C1QTNF1: variants seen among roughly 807,000 people sequenced by gnomAD.
The protein encoded by C1QTNF1 is C1q and TNF related 1, also known as complement C1q tumor necrosis factor-related protein 1.
A neutral mutation model predicts 27.8 loss-of-function variants in C1QTNF1; 22 were observed. The observed-to-expected ratio is 0.79, with a 90% confidence interval of 0.56 to 1.13. C1QTNF1 has a LOEUF of 1.13. Among genes scored for constraint, C1QTNF1 ranks in the 50% most tolerant of loss-of-function variants. The probability of loss-of-function intolerance (pLI) is 0.00; values close to 1 mark genes in which losing one functional copy is unlikely to be tolerated. For synonymous variants in C1QTNF1, 166 were observed against 154.3 expected, an observed-to-expected ratio of 1.08 and a Z score of -0.56; for missense variants, 373 against 380.2, an observed-to-expected ratio of 0.98 and a Z score of 0.16.
intron 1 of C1QTNF1, chr17:79,034,645 C>T (rs1417119565): frequency 6.6e-6 from 1 of 152,288 alleles, no homozygotes; most frequent in Admixed American, 6.5e-5. Flanking sequence ...AGCCAGACCT[C>T]ATTCCCCTCC....
At chr17:79,030,204 T>C (rs1017547278) in intron 1 of C1QTNF1, among the ~76,000 whole-genome samples, 1 of 152,148 alleles carries the variant, frequency 6.6e-6, no homozygotes, top group Non-Finnish European at 1.5e-5. Context: ...ACGTGACTGT[T>C]ACAGGGGAAA....
Position 79,044,025 on chromosome 17 carries a change from C to A in C1QTNF1, c.57C>A (p.Ala19=). Residue 19 remains alanine (A), a synonymous_variant, in exon 2 of 4, where the codon GCC becomes GCA. Transcript: ENST00000579760. ...LLAYCLLLAF[A]SGLVLSRVPH... is the part of the protein sequence containing the mutation. ...CGTACTGCCTGCTCCTTGCCTTTGC[C>A]TCTGGCCTGGTCCTGAGTCGTGTGC... is the stretch of plus-strand genomic sequence containing the variant. The A allele has an allele frequency of 6.2e-7, 1 of 1,614,122 alleles. No individual in the cohort carries two copies. Among genetic ancestry groups the A allele is most frequent in the Non-Finnish European group, 8.5e-7 (1 of 1,179,958 alleles).
chr17:79,023,701 C>CGT (rs1237015480), upstream of C1QTNF1, among the ~76,000 whole-genome samples: 61 of 96,254 alleles, frequency 6.3e-4, no homozygotes, highest in African/African-American at 2.3e-3. Context: ...GATGCGCGCG[C>CGT]GCGCACACAC....
intron 1 of C1QTNF1, among the ~76,000 whole-genome samples, chr17:79,032,432 C>G (rs1322619604): frequency 2.0e-5 from 3 of 152,194 alleles, no homozygotes; most frequent in Non-Finnish European, 4.4e-5. Context: ...GGCTTACTCC[C>G]TCCTTTACTG....
chr17:79,049,566 CTTCCCCCCA>C lies in C1QTNF1; in HGVS notation c.*1480_*1488del, dbSNP rs1476859673. On this transcript the variant is annotated 3_prime_UTR_variant, in exon 4 of 4. Transcript: ENST00000579760. The surrounding 1 kb of genome is among the most constrained non-coding windows in gnomAD (Gnocchi z 4.4). ...CCCCAAACCCCCGCTGCCTCTCTTC[CTTCCCCCCA>C]TCCCCCACCTGGTTTTGACTAATCC... 1.3e-5 allele frequency: 2 copies of C among 152,466 alleles called. No individual in the cohort carries two copies. The highest frequency in any genetic ancestry group is 2.9e-5 in the Non-Finnish European group (2 of 68,280). 9.4% of individuals were successfully genotyped at this position (152,466 alleles called of 1,614,324 possible). A position where few individuals can be genotyped will look rare whatever the true frequency, so the allele number is the denominator to read the frequency against.
intron 1 of C1QTNF1, among the ~76,000 whole-genome samples, chr17:79,031,206 C>T (rs535022910): frequency 6.6e-6 from 1 of 150,996 alleles, no homozygotes; most frequent in East Asian, 2.0e-4. Context: ...GGGGTTTCAC[C>T]ATGTTAGCCA....
At chr17:79,033,000 G>A (rs1408427347) in intron 1 of C1QTNF1, among the ~76,000 whole-genome samples, 2 of 151,558 alleles carry the variant, frequency 1.3e-5, no homozygotes, top group Admixed American at 1.3e-4. Flanking sequence ...CCCAGGAGGC[G>A]GAGGTTGCAG....
chr17:79,040,423 C>A (rs1011931132), intron 1 of C1QTNF1, among the ~76,000 whole-genome samples: 1 of 151,570 alleles, frequency 6.6e-6, no homozygotes, highest in Non-Finnish European at 1.5e-5. Context: ...CAGAGTGAGA[C>A]CCTGTATCAA....
intron 2 of C1QTNF1, among the ~76,000 whole-genome samples, chr17:79,045,359 C>A (rs924541582): frequency 6.6e-6 from 1 of 152,054 alleles, no homozygotes; most frequent in Non-Finnish European, 1.5e-5. Context: ...TGGGGAGGGT[C>A]TCACCTGAAC....
rs1222111575 is a variant in C1QTNF1, at chr17:79,024,281, C to G, written c.-228C>G. On this transcript the variant is annotated 5_prime_UTR_variant, in exon 1 of 4. Transcript: ENST00000579760. ...GTCGCAGAGACCTCGGAGACCGCGC[C>G]GGGGAGACGGAGGTGCTGTGGGTGG... The G allele has an allele frequency of 6.6e-6, 1 of 152,252 alleles. No individual in the cohort carries two copies. The highest frequency in any genetic ancestry group is 1.9e-4 in the East Asian group (1 of 5,190). 9.4% of individuals were successfully genotyped at this position (152,252 alleles called of 1,614,324 possible).
At chr17:79,031,511 T>C (rs2072139344) in intron 1 of C1QTNF1, among the ~76,000 whole-genome samples, 1 of 152,010 alleles carries the variant, frequency 6.6e-6, no homozygotes, top group South Asian at 2.1e-4. Flanking sequence ...GCAGTGGTGC[T>C]ATTTCACCTC....
chr17:79,030,485 T>TTTTCTTTCTTTCTTTCTTTCTTTC lies in C1QTNF1; in HGVS notation c.-15+6014_-15+6037dup, dbSNP rs199746385. On this transcript the variant is annotated intron_variant, in intron 1 of 3. Transcript: ENST00000579760. ...TTTCTTTCTTTCTTTCTTTCTTTCT[T>TTTTCTTTCTTTCTTTCTTTCTTTC]TTTCTTTCTTTCTTTCTTTCTTTCT... 1.3e-3 allele frequency among the ~76,000 whole-genome samples: 157 copies of TTTTCTTTCTTTCTTTCTTTCTTTC among 121,866 alleles called. 1 individual carries two copies. Among genetic ancestry groups the TTTTCTTTCTTTCTTTCTTTCTTTC allele is most frequent in the Middle Eastern group, 3.9e-3 (1 of 256 alleles). The allele number at this position is 121,866 out of a possible 152,430, so 79.9% of individuals were successfully genotyped here.
At chr17:79,040,150 A>G (rs2072365284) in intron 1 of C1QTNF1, among the ~76,000 whole-genome samples, 1 of 152,222 alleles carries the variant, frequency 6.6e-6, no homozygotes, top group African/African-American at 2.4e-5. Flanking sequence ...TAGGCTAGAC[A>G]AACTCTCTGC....
At chr17:79,047,243 T>C (rs1410266049) in intron 3 of C1QTNF1, 30 of 354,818 alleles carry the variant, frequency 8.5e-5, no homozygotes, top group South Asian at 4.0e-4. Flanking sequence ...CTTTTCTTTT[T>C]TTTTTTTTTT....
At chr17:79,044,801 C>T (rs954008296) in intron 2 of C1QTNF1, among the ~76,000 whole-genome samples, 6 of 152,196 alleles carry the variant, frequency 3.9e-5, no homozygotes, top group African/African-American at 1.4e-4. Context: ...CTTGGAGTCT[C>T]TTCATTATTT....
intron 1 of C1QTNF1, among the ~76,000 whole-genome samples, chr17:79,035,170 C>G (rs1002687832): frequency 5.9e-5 from 9 of 152,168 alleles, no homozygotes; most frequent in African/African-American, 2.2e-4. Flanking sequence ...CAGAAGGACA[C>G]CCCAACGTGG....
Position 79,048,131 on chromosome 17 carries a change from C to T in C1QTNF1, c.*43C>T, listed in dbSNP as rs747182827. Reference sequence around the variant, plus strand: ...TTCCTCTCGCCACCTTCCACCCCTGCGCTGTGCTGACCCCACCGCCTCTTC... The same window carrying T: ...TTCCTCTCGCCACCTTCCACCCCTGTGCTGTGCTGACCCCACCGCCTCTTC... On this transcript the variant is annotated 3_prime_UTR_variant, in exon 4 of 4. Coordinates refer to ENST00000579760, the MANE Select transcript of C1QTNF1 (RefSeq NM_030968.5). 2.1e-5 allele frequency: 32 copies of T among 1,489,462 alleles called. No individual in the cohort carries two copies. Among genetic ancestry groups the T allele is most frequent in the Middle Eastern group, 1.9e-4 (1 of 5,282 alleles). The allele number at this position is 1,489,462 out of a possible 1,614,324, so 92.3% of individuals were successfully genotyped here.
chr17:79,047,429 G>A, intron 3 of C1QTNF1, 109 bp from the exon 4 acceptor site: 3 of 1,148,426 alleles, frequency 2.6e-6, no homozygotes, highest in Non-Finnish European at 3.7e-6. Context: ...CCAGGTCAGG[G>A]CTGTGAGGAC....
At chr17:79,039,097 T>C (rs1020562897) in intron 1 of C1QTNF1, among the ~76,000 whole-genome samples, 3 of 150,282 alleles carry the variant, frequency 2.0e-5, no homozygotes, top group African/African-American at 7.3e-5. Context: ...CCGTCTCTTC[T>C]GACCAAGGTG....
Sources: gnomAD v4.1 joint callset for allele counts (sites outside exome capture counted in the v4.1 genomes callset) on GRCh38, gnomAD v4.1.1 for gene constraint, Gnocchi (gnomAD v3.1) non-coding constraint, MANE v1.5 for transcripts, NCBI Gene and HGNC (gene_info 2026-07-23, HGNC 2026-07-21) for gene names.